KDM4C: variants seen among roughly 807,000 people sequenced by gnomAD.
KDM4C encodes the protein lysine demethylase 4C, also known as lysine-specific demethylase 4C.
Under a neutral mutation model 129.3 loss-of-function variants are expected in KDM4C, and 81 were observed. The ratio of observed to expected loss-of-function variants is 0.63; its 90% CI spans 0.52 to 0.75. The LOEUF (loss-of-function observed/expected upper bound fraction) is 0.75, where lower values mean the gene tolerates loss of function less well. Among genes scored for constraint, KDM4C ranks in the 30% least tolerant of loss-of-function variants. The pLI is 0.00. For missense variants in KDM4C, 1,457 were observed against 1,304.0 expected, an observed-to-expected ratio of 1.12 and a Z score of -1.81; for synonymous variants, 573 against 456.1, an observed-to-expected ratio of 1.26 and a Z score of -3.26.
intron 1 of KDM4C, among the ~76,000 whole-genome samples, chr9:6,776,622 A>G (rs1277392006): frequency 3.0e-5 from 2 of 66,630 alleles, no homozygotes; most frequent in Admixed American, 3.0e-4. Context: ...TTTTTTTTTT[A>G]AGTTGGAGTT....
intron 13 of KDM4C, 99 bp downstream of exon 13, chr9:7,011,978 A>G: frequency 2.0e-6 from 2 of 977,646 alleles, no homozygotes; most frequent in Non-Finnish European, 3.1e-6. Flanking sequence ...TCCTTTGCAC[A>G]TAAGAAGGAA....
At chr9:6,839,515 CAGGT>C (rs1836518427) in intron 4 of KDM4C, among the ~76,000 whole-genome samples, 3 of 150,770 alleles carry the variant, frequency 2.0e-5, no homozygotes, top group Non-Finnish European at 4.4e-5. Flanking sequence ...GCTGGGATTA[CAGGT>C]GTGAGCCACC....
chr9:6,924,686 G>A, intron 8 of KDM4C: 2 of 783,888 alleles, frequency 2.6e-6, no homozygotes, highest in Non-Finnish European at 3.1e-6. Context: ...TTCTGCTGGG[G>A]TACCGATGCA....
intron 1 of KDM4C, among the ~76,000 whole-genome samples, chr9:6,743,533 A>T (rs1298115638): frequency 1.4e-5 from 2 of 148,134 alleles, no homozygotes; most frequent in Non-Finnish European, 3.0e-5. Flanking sequence ...TTTGAGAGGG[A>T]GTCTCACTCT....
At chr9:6,990,362 TTGTAG>T in intron 11 of KDM4C, 49 bp from the exon 12 acceptor site, 1 of 1,140,250 alleles carries the variant, frequency 8.8e-7, no homozygotes. Context: ...TTTTTTTTTT[TTGTAG>T]TTTGTTTTTG....
intron 8 of KDM4C, among the ~76,000 whole-genome samples, chr9:6,912,134 T>G (rs1327164161): frequency 6.6e-6 from 1 of 152,178 alleles, no homozygotes; most frequent in Admixed American, 6.5e-5. Context: ...GGAGGGGCCT[T>G]CATGGTGCCT....
At chr9:6,860,171 T>A (rs914996955) in intron 5 of KDM4C, among the ~76,000 whole-genome samples, 4 of 152,138 alleles carry the variant, frequency 2.6e-5, no homozygotes, top group Admixed American at 2.0e-4. Context: ...GATTCTAATC[T>A]TGTGATAATT....
Position 7,128,200 on chromosome 9 carries a change from C to G in KDM4C, c.2745C>G (p.Gly915=). The G allele has an allele frequency of 6.2e-7, 1 of 1,608,242 alleles. No individual in the cohort carries two copies. Among genetic ancestry groups the G allele is most frequent in the Non-Finnish European group, 8.5e-7 (1 of 1,177,406 alleles). Residue 915 remains glycine (G), a synonymous_variant, in exon 19 of 22, where the codon GGC becomes GGG. Coordinates refer to ENST00000381309, the MANE Select transcript of KDM4C (RefSeq NM_015061.6). ...TCTATGAGGTCATGTTTGATGATGG[C>G]TCCTTTAGCAGAGACACATTTCCTG... The part of the protein sequence containing the change: ...QTFYEVMFDD[G]SFSRDTFPED...
chr9:6,773,535 G>A (rs1822340251), intron 1 of KDM4C, among the ~76,000 whole-genome samples: 1 of 152,178 alleles, frequency 6.6e-6, no homozygotes, highest in Non-Finnish European at 1.5e-5. Flanking sequence ...ACTTTGGGAG[G>A]CTGAGACGGG....
chr9:7,083,038 T>C (rs1207190743), intron 17 of KDM4C, among the ~76,000 whole-genome samples: 1 of 152,246 alleles, frequency 6.6e-6, no homozygotes, highest in Non-Finnish European at 1.5e-5. Context: ...AAATTATTTA[T>C]CGAATAAGTA....
upstream of KDM4C, chr9:6,757,967 G>T (rs1312125715): frequency 3.0e-6 from 3 of 985,246 alleles, no homozygotes; most frequent in African/African-American, 3.5e-5. Flanking sequence ...GCGCCCTCGC[G>T]CAGGGAGAGC....
chr9:7,037,203 G>A (rs566920208), intron 15 of KDM4C, among the ~76,000 whole-genome samples: 2 of 152,218 alleles, frequency 1.3e-5, no homozygotes, highest in East Asian at 1.9e-4. Context: ...TGTTATGAAC[G>A]TGTCAGATAA....
At chr9:6,764,871 CCT>C (rs1323855659) in intron 1 of KDM4C, among the ~76,000 whole-genome samples, 6 of 152,190 alleles carry the variant, frequency 3.9e-5, no homozygotes, top group African/African-American at 1.4e-4. Context: ...TCTGATCTTT[CCT>C]CTCAGCTCTG....
At chr9:7,024,577 T>C (rs1825478781) in intron 15 of KDM4C, among the ~76,000 whole-genome samples, 1 of 150,926 alleles carries the variant, frequency 6.6e-6, no homozygotes, top group Admixed American at 6.6e-5. Context: ...AGTGAGAACA[T>C]GTGGTGTTTG....
At chr9:6,948,728 C>T (rs1827462543) in intron 8 of KDM4C, among the ~76,000 whole-genome samples, 1 of 152,014 alleles carries the variant, frequency 6.6e-6, no homozygotes, top group African/African-American at 2.4e-5. Context: ...TAACAAAGCA[C>T]ATCTTGCACC....
intron 8 of KDM4C, among the ~76,000 whole-genome samples, chr9:6,975,539 T>A (rs1832775612): frequency 6.6e-6 from 1 of 152,166 alleles, no homozygotes; most frequent in Non-Finnish European, 1.5e-5. Flanking sequence ...TTAATGTGAG[T>A]CCTCTGCGCC....
At chr9:6,746,096 G>T (rs908970077) in intron 1 of KDM4C, among the ~76,000 whole-genome samples, 1 of 151,116 alleles carries the variant, frequency 6.6e-6, no homozygotes, top group Non-Finnish European at 1.5e-5. Context: ...ATGAGCCACC[G>T]CGCCCAGCAT....
chr9:7,019,923 C>A (rs1044701647), intron 15 of KDM4C, among the ~76,000 whole-genome samples: 56 of 151,524 alleles, frequency 3.7e-4, no homozygotes, highest in African/African-American at 1.4e-3. Flanking sequence ...TGGCTGGAGT[C>A]AATAATCATA....
At chr9:6,818,990 GAGA>G (rs1273457587) in intron 4 of KDM4C, 1 of 152,204 alleles carries the variant, frequency 6.6e-6, no homozygotes, top group African/African-American at 2.4e-5. Context: ...TCAGGCTTCT[GAGA>G]AGAAGGTTGA....
Sources: gnomAD v4.1 joint callset for allele counts (sites outside exome capture counted in the v4.1 genomes callset) on GRCh38, gnomAD v4.1.1 for gene constraint, MANE v1.5 for transcripts, NCBI Gene and HGNC (gene_info 2026-07-23, HGNC 2026-07-21) for gene names.